The following CREB5 variants were observed in gnomAD, a reference collection of about 807,000 sequenced individuals.
CREB5 encodes the protein cAMP responsive element binding protein 5, also known as cyclic AMP-responsive element-binding protein 5.
CREB5 carries 19 observed loss-of-function variants against 57.1 expected under a neutral mutation model. The ratio of observed to expected loss-of-function variants is 0.33; its 90% CI spans 0.23 to 0.49. The LOEUF (loss-of-function observed/expected upper bound fraction) is 0.49, where lower values mean the gene tolerates loss of function less well. CREB5 is among the 20% of genes least tolerant of loss of function. The pLI is 0.99. For synonymous variants in CREB5, 238 were observed against 238.3 expected, an observed-to-expected ratio of 1.00 and a Z score of 0.01; for missense variants, 579 against 671.6, an observed-to-expected ratio of 0.86 and a Z score of 1.52.
intron 4 of CREB5, among the ~76,000 whole-genome samples, chr7:28,564,012 G>A (rs1389843525): frequency 6.6e-6 from 1 of 152,166 alleles, no homozygotes; most frequent in African/African-American, 2.4e-5. Flanking sequence ...CCAAATGGAG[G>A]AATCAGGGCT....
At chr7:28,324,774 G>A (rs1785553486) in intron 1 of CREB5, among the ~76,000 whole-genome samples, 2 of 152,180 alleles carry the variant, frequency 1.3e-5, no homozygotes, top group African/African-American at 4.8e-5. Context: ...TCTTCACGTG[G>A]ATGTTTGCTA....
chr7:28,803,283 A>T (rs1319501596), intron 7 of CREB5, among the ~76,000 whole-genome samples: 2 of 151,964 alleles, frequency 1.3e-5, no homozygotes, highest in African/African-American at 4.8e-5. Context: ...AAGGGACCAT[A>T]AGAAAAATCA....
chr7:28,698,030 A>G (rs919368823), intron 5 of CREB5, among the ~76,000 whole-genome samples: 1 of 152,170 alleles, frequency 6.6e-6, no homozygotes, highest in South Asian at 2.1e-4. Context: ...CTCTTACAAA[A>G]CACCATTTTG....
chr7:28,456,761 A>T (rs1390150559), intron 1 of CREB5, among the ~76,000 whole-genome samples: 2 of 152,234 alleles, frequency 1.3e-5, no homozygotes, highest in African/African-American at 4.8e-5. Flanking sequence ...GCCATTTTGC[A>T]TATAGACAGA....
chr7:28,595,736 C>A (rs933938585), intron 5 of CREB5, among the ~76,000 whole-genome samples: 8 of 152,184 alleles, frequency 5.3e-5, no homozygotes, highest in African/African-American at 1.9e-4. Context: ...TGGCTTATGG[C>A]TCTTCTGGCA....
chr7:28,701,453 A>AAGG (rs1476888583), intron 5 of CREB5, among the ~76,000 whole-genome samples: 1 of 152,206 alleles, frequency 6.6e-6, no homozygotes, highest in Non-Finnish European at 1.5e-5. Context: ...TGCTTCTGTA[A>AAGG]AGGATCTGAC....
At chr7:28,532,123 G>C (rs1293009188) in intron 4 of CREB5, among the ~76,000 whole-genome samples, 2 of 152,206 alleles carry the variant, frequency 1.3e-5, no homozygotes, top group Admixed American at 6.5e-5. Context: ...TTCTGTAGGG[G>C]TTGGGGAAGC....
At chr7:28,753,729 A>G (rs1805117364) in intron 7 of CREB5, among the ~76,000 whole-genome samples, 1 of 152,226 alleles carries the variant, frequency 6.6e-6, no homozygotes, top group Non-Finnish European at 1.5e-5. Flanking sequence ...TAGAGCCAGA[A>G]TGAACTGCAT....
At chr7:28,584,259 T>G (rs1327952304) in intron 5 of CREB5, among the ~76,000 whole-genome samples, 1 of 152,164 alleles carries the variant, frequency 6.6e-6, no homozygotes, top group Non-Finnish European at 1.5e-5. Flanking sequence ...AATTATTGCA[T>G]GTATGTTGTC....
At chr7:28,764,563 G>A (rs767263476) in intron 7 of CREB5, among the ~76,000 whole-genome samples, 5 of 152,112 alleles carry the variant, frequency 3.3e-5, no homozygotes, top group African/African-American at 4.8e-5. Flanking sequence ...ATTTGATTTC[G>A]GTGGGTTGAA....
chr7:28,356,765 G>T (rs1412098585), intron 1 of CREB5, among the ~76,000 whole-genome samples: 1 of 152,206 alleles, frequency 6.6e-6, no homozygotes, highest in Non-Finnish European at 1.5e-5. Flanking sequence ...GCCACAGGAT[G>T]AGAATTGACA....
At chr7:28,511,967 G>A (rs12700889) in intron 4 of CREB5, among the ~76,000 whole-genome samples, 32,797 of 152,164 alleles carry the variant, frequency 0.22, 4,325 homozygotes, top group African/African-American at 0.38. Flanking sequence ...GATGGAGGCA[G>A]TGGATAGATT....
chr7:28,662,321 A>G (rs1799640700), intron 5 of CREB5, among the ~76,000 whole-genome samples: 1 of 152,232 alleles, frequency 6.6e-6, no homozygotes, highest in African/African-American at 2.4e-5. Flanking sequence ...GAGACCTTCA[A>G]GTACCTAAAA....
chr7:28,702,116 T>C (rs1013057515), intron 5 of CREB5, among the ~76,000 whole-genome samples: 2 of 152,226 alleles, frequency 1.3e-5, no homozygotes, highest in Non-Finnish European at 2.9e-5. Context: ...CTTTTTTCAG[T>C]TTTCTTCCTT....
intron 1 of CREB5, among the ~76,000 whole-genome samples, chr7:28,482,115 A>G (rs1791356950): frequency 1.3e-5 from 2 of 152,198 alleles, no homozygotes; most frequent in Non-Finnish European, 2.9e-5. Flanking sequence ...ACAGTGTTTT[A>G]CTACAATGGC....
intron 9 of CREB5, among the ~76,000 whole-genome samples, chr7:28,817,268 G>A (rs1022905691): frequency 1.8e-4 from 27 of 152,144 alleles, no homozygotes; most frequent in Non-Finnish European, 3.8e-4. Context: ...TCCACCTGCA[G>A]CTGACCAACA....
chr7:28,418,140 C>T (rs1788095799), intron 1 of CREB5, among the ~76,000 whole-genome samples: 1 of 152,146 alleles, frequency 6.6e-6, no homozygotes, highest in African/African-American at 2.4e-5. Flanking sequence ...TTTCTTCCTT[C>T]CAAGCTTTTA....
intron 1 of CREB5, among the ~76,000 whole-genome samples, chr7:28,349,811 A>C (rs1786152450): frequency 6.6e-6 from 1 of 152,192 alleles, no homozygotes; most frequent in African/African-American, 2.4e-5. Flanking sequence ...TCAGATGACT[A>C]TTTGTTCAAA....
Position 28,560,879 on chromosome 7 carries a change from C to CGTGTGTGTGCGTGCGT in CREB5, c.292-9483_292-9482insTGTGTGCGTGCGTGTG, listed in dbSNP as rs1215492156. On this transcript the variant is annotated intron_variant, in intron 4 of 10. Coordinates refer to ENST00000357727, the MANE Select transcript of CREB5 (RefSeq NM_182898.4). ...GTGTGCGTGTGCCTGCGTGCGCGTG[C>CGTGTGTGTGCGTGCGT]GTGCGTGCGTGTGTGTGCGTGCGCG... Among the ~76,000 whole-genome samples, 220 of 22,036 alleles carry CGTGTGTGTGCGTGCGT rather than the reference C, an allele frequency of 1.0e-2. 19 individuals are homozygous for CGTGTGTGTGCGTGCGT. Among genetic ancestry groups the CGTGTGTGTGCGTGCGT allele is most frequent in the Non-Finnish European group, 0.015 (145 of 9,670 alleles). 14.5% of individuals were successfully genotyped at this position (22,036 alleles called of 152,430 possible).
Sources: gnomAD v4.1 joint callset for allele counts (sites outside exome capture counted in the v4.1 genomes callset) on GRCh38, gnomAD v4.1.1 for gene constraint, MANE v1.5 for transcripts, NCBI Gene and HGNC (gene_info 2026-07-23, HGNC 2026-07-21) for gene names.